The following EPHB2 variants were observed in gnomAD, a reference collection of about 807,000 sequenced individuals.
EPHB2 encodes ephrin type-B receptor 2.
In EPHB2, 18 loss-of-function variants were observed where a neutral mutation model predicts 96.4. That is an observed-to-expected ratio of 0.19 (90% CI 0.13 to 0.28). The LOEUF (loss-of-function observed/expected upper bound fraction) is 0.28. Among genes scored for constraint, EPHB2 ranks in the 10% least tolerant of loss-of-function variants. The pLI, the probability that EPHB2 is intolerant of heterozygous loss-of-function variation, is 1.00. For synonymous variants in EPHB2, 506 were observed against 534.1 expected, an observed-to-expected ratio of 0.95 and a Z score of 0.72; for missense variants, 989 against 1,355.4, an observed-to-expected ratio of 0.73 and a Z score of 4.25.
At chr1:22,730,693 A>G (rs894579868) in intron 1 of EPHB2, among the ~76,000 whole-genome samples, 1 of 151,776 alleles carries the variant, frequency 6.6e-6, no homozygotes. Flanking sequence ...GCCCTGTGAC[A>G]GGGGTGTGCA....
chr1:22,896,729 C>T (rs1212353142), intron 9 of EPHB2, among the ~76,000 whole-genome samples: 2 of 152,206 alleles, frequency 1.3e-5, no homozygotes, highest in Non-Finnish European at 2.9e-5. Context: ...CATACACACA[C>T]TCCTCCAAGC....
At chr1:22,892,820 G>A (rs767442927) in intron 6 of EPHB2, 64 bp from the exon 7 acceptor site, 1 of 1,599,888 alleles carries the variant, frequency 6.3e-7, no homozygotes, top group East Asian at 2.2e-5. Context: ...GCAGGAGCAG[G>A]CAGTGGGCTC....
intron 3 of EPHB2, among the ~76,000 whole-genome samples, chr1:22,793,620 G>A (rs2148437594): frequency 6.6e-6 from 1 of 152,334 alleles, no homozygotes; most frequent in South Asian, 2.1e-4. Context: ...GATGGTGGAA[G>A]TGCTGCCAGG....
At chr1:22,754,616 C>A (rs978313936) in intron 1 of EPHB2, among the ~76,000 whole-genome samples, 2 of 151,082 alleles carry the variant, frequency 1.3e-5, no homozygotes, top group Non-Finnish European at 2.9e-5. Flanking sequence ...GCTCGATCCC[C>A]CAGGCCTGGT....
chr1:22,717,033 T>C (rs1383279119), intron 1 of EPHB2, among the ~76,000 whole-genome samples: 1 of 152,180 alleles, frequency 6.6e-6, no homozygotes, highest in African/African-American at 2.4e-5. Flanking sequence ...GCAGGCAAAT[T>C]TGCCCCCCAG....
At chr1:22,880,759 C>T (rs1639013554) in intron 5 of EPHB2, among the ~76,000 whole-genome samples, 1 of 152,382 alleles carries the variant, frequency 6.6e-6, no homozygotes, top group Middle Eastern at 3.4e-3. Context: ...CAACAGTCAA[C>T]TCAGGAAGCG....
chr1:22,835,132 A>G (rs981118487), intron 3 of EPHB2, among the ~76,000 whole-genome samples: 7 of 152,122 alleles, frequency 4.6e-5, no homozygotes, highest in African/African-American at 7.2e-5. Flanking sequence ...TAGTCCCAGC[A>G]CTTTGGGAGG....
chr1:22,747,581 A>G (rs1344247106), intron 1 of EPHB2, among the ~76,000 whole-genome samples: 1 of 152,230 alleles, frequency 6.6e-6, no homozygotes, highest in Non-Finnish European at 1.5e-5. Flanking sequence ...CAGCTGAGCA[A>G]AGCAAACACC....
chr1:22,829,057 G>C lies in EPHB2; in HGVS notation c.812-33980G>C, dbSNP rs534966765. ...GAATATTCAATATTCAGGTGCCGTA[G>C]TGTCACATCAAGAATTAGAGATTGT... On this transcript the variant is annotated intron_variant, in intron 3 of 15. Transcript: ENST00000374630. Among the ~76,000 whole-genome samples the C allele has an allele frequency of 2.0e-5, 3 of 152,248 alleles. No individual in the cohort carries two copies. The East Asian group carries it at 5.8e-4, about 29-fold the overall frequency.
chr1:22,741,221 C>T lies in EPHB2; in HGVS notation c.61+30178C>T, dbSNP rs906208476. Among the ~76,000 whole-genome samples the T allele has an allele frequency of 2.6e-5, 4 of 152,086 alleles. No individual in the cohort carries two copies. The East Asian group carries it at 5.8e-4, about 22-fold the overall frequency. On this transcript the variant is annotated intron_variant, in intron 1 of 15. Coordinates refer to ENST00000374630, the MANE Select transcript of EPHB2 (RefSeq NM_017449.5). ...TATCTAAGTGCCTAATCTTTCCCAG[C>T]GGCAGCCCTGGGAGACATCTCCTCT...
At chr1:22,778,630 G>T (rs2148415529) in intron 1 of EPHB2, among the ~76,000 whole-genome samples, 1 of 152,268 alleles carries the variant, frequency 6.6e-6, no homozygotes, top group African/African-American at 2.4e-5. Context: ...CCTCCCAAGG[G>T]GATCTGCAAA....
intron 9 of EPHB2, among the ~76,000 whole-genome samples, chr1:22,904,292 CAAA>C (rs3053666): frequency 7.7e-6 from 1 of 129,994 alleles, no homozygotes; most frequent in East Asian, 2.3e-4. Context: ...GAACCTGTCT[CAAA>C]AAAAAAAAAA....
At chr1:22,887,651 A>T (rs549095929) in intron 6 of EPHB2, among the ~76,000 whole-genome samples, 1 of 152,312 alleles carries the variant, frequency 6.6e-6, no homozygotes, top group East Asian at 1.9e-4. Context: ...TGCTTCCGTC[A>T]GTTCCAACGC....
intron 3 of EPHB2, among the ~76,000 whole-genome samples, chr1:22,857,926 T>C (rs2148516804): frequency 6.6e-6 from 1 of 152,076 alleles, no homozygotes; most frequent in South Asian, 2.1e-4. Context: ...GTACTTTCAG[T>C]GCATGAAAAA....
chr1:22,822,833 G>A (rs1437151286), intron 3 of EPHB2, among the ~76,000 whole-genome samples: 1 of 152,204 alleles, frequency 6.6e-6, no homozygotes, highest in African/African-American at 2.4e-5. Flanking sequence ...CCAATCCCTA[G>A]TCTCAGGCAG....
Position 22,764,944 on chromosome 1 carries a change from G to C in EPHB2, c.62-16477G>C, listed in dbSNP as rs1399367417. On this transcript the variant is annotated intron_variant, in intron 1 of 15. Coordinates refer to ENST00000374630, the MANE Select transcript of EPHB2 (RefSeq NM_017449.5). Reference sequence around the variant, plus strand: ...CGCCAGTTTGGGTTCCTCCAAGCAGGGGCTGCGGTTGGGGCAGATGCACGG... The same window carrying C: ...CGCCAGTTTGGGTTCCTCCAAGCAGCGGCTGCGGTTGGGGCAGATGCACGG... Among the ~76,000 whole-genome samples the C allele has an allele frequency of 3.7e-4, 56 of 152,180 alleles. 1 individual carries two copies. The highest frequency in any genetic ancestry group is 3.7e-3 in the Admixed American group (56 of 15,290).
intron 3 of EPHB2, among the ~76,000 whole-genome samples, chr1:22,805,802 A>T (rs1438141308): frequency 6.6e-6 from 1 of 152,184 alleles, no homozygotes; most frequent in African/African-American, 2.4e-5. Context: ...GGGGCTGCAG[A>T]TGTGTCTGAG....
At chr1:22,735,193 G>C (rs1222001723) in intron 1 of EPHB2, among the ~76,000 whole-genome samples, 2 of 151,426 alleles carry the variant, frequency 1.3e-5, no homozygotes, top group Admixed American at 6.6e-5. Flanking sequence ...GGGAGGGTGA[G>C]GCAGGAGGGT....
intron 1 of EPHB2, among the ~76,000 whole-genome samples, chr1:22,742,238 C>T (rs889762947): frequency 4.6e-4 from 70 of 152,246 alleles, no homozygotes; most frequent in South Asian, 4.2e-4. Context: ...ACATGAGGAC[C>T]GCCCTGGCTG....
Sources: gnomAD v4.1 joint callset for allele counts (sites outside exome capture counted in the v4.1 genomes callset) on GRCh38, gnomAD v4.1.1 for gene constraint, MANE v1.5 for transcripts, NCBI Gene and HGNC (gene_info 2026-07-23, HGNC 2026-07-21) for gene names.